Variants in IL1RN observed in about 807,000 individuals in gnomAD.
IL1RN encodes the protein interleukin-1 receptor antagonist protein.
In IL1RN, 10 loss-of-function variants were observed where a neutral mutation model predicts 13.7. That is an observed-to-expected ratio of 0.73 (90% CI 0.45 to 1.24). The LOEUF (loss-of-function observed/expected upper bound fraction) is 1.24. IL1RN is among the 50% of genes most tolerant of loss of function. The pLI is 0.00. For synonymous variants in IL1RN, 102 were observed against 82.7 expected, an observed-to-expected ratio of 1.23 and a Z score of -1.27; for missense variants, 213 against 222.1, an observed-to-expected ratio of 0.96 and a Z score of 0.26.
chr2:113,112,349 T>C (rs933140853), intron 1 of IL1RN, among the ~76,000 whole-genome samples: 5 of 152,076 alleles, frequency 3.3e-5, no homozygotes, highest in Admixed American at 2.6e-4. Flanking sequence ...CTTCCCTTCC[T>C]CCAAAAAGTA....
At chr2:113,114,325 G>A (rs887875238), upstream of IL1RN, among the ~76,000 whole-genome samples, 1 of 152,146 alleles carries the variant, frequency 6.6e-6, no homozygotes, top group Non-Finnish European at 1.5e-5. Context: ...CTCAGTTTGA[G>A]AGCAGTTACC....
upstream of IL1RN, chr2:113,115,769 T>C (rs1397543522): frequency 6.6e-6 from 1 of 152,188 alleles, no homozygotes; most frequent in African/African-American, 2.4e-5. Context: ...GGAGACAGGC[T>C]TGCAAAGGAG....
chr2:113,119,498 A>G (rs1265486109), intron 1 of IL1RN, among the ~76,000 whole-genome samples: 1 of 152,180 alleles, frequency 6.6e-6, no homozygotes, highest in East Asian at 1.9e-4. Flanking sequence ...TGTCAACCAC[A>G]AGCAGTTATT....
upstream of IL1RN, among the ~76,000 whole-genome samples, chr2:113,123,639 T>G (rs1284888466): frequency 6.6e-6 from 1 of 152,222 alleles, no homozygotes; most frequent in African/African-American, 2.4e-5. Context: ...TGACCTCTAC[T>G]GTGCTTAATA....
chr2:113,123,210 A>G (rs929357295), upstream of IL1RN, among the ~76,000 whole-genome samples: 5 of 152,228 alleles, frequency 3.3e-5, no homozygotes, highest in African/African-American at 1.2e-4. Context: ...GCTGAGAATA[A>G]CTAGAAAAGC....
At chr2:113,108,616 T>G (rs939660320), upstream of IL1RN, among the ~76,000 whole-genome samples, 1 of 152,178 alleles carries the variant, frequency 6.6e-6, no homozygotes, top group Non-Finnish European at 1.5e-5. Context: ...ATTTCTTTTT[T>G]GCCATGTAAC....
chr2:113,109,812 C>T (rs182634180), upstream of IL1RN, among the ~76,000 whole-genome samples: 470 of 151,704 alleles, frequency 3.1e-3, no homozygotes, highest in Non-Finnish European at 4.5e-3. Flanking sequence ...AGAGCCATGG[C>T]TATCAGCTGA....
chr2:113,106,296 A>G (rs1461806769), upstream of IL1RN, among the ~76,000 whole-genome samples: 2 of 152,254 alleles, frequency 1.3e-5, no homozygotes, highest in Non-Finnish European at 2.9e-5. Flanking sequence ...GTGAATAAAG[A>G]TACAAAATAA....
chr2:113,120,277 C>T, intron 2 of IL1RN: 1 of 731,734 alleles, frequency 1.4e-6, no homozygotes, highest in Non-Finnish European at 2.5e-6. Context: ...AATATATCTG[C>T]AATGGTTTAT....
chr2:113,099,723 CTTTTCTTTTTTTTTTT>C, the IL1RN span, among the ~76,000 whole-genome samples: 1 of 72,170 alleles, frequency 1.4e-5, no homozygotes, highest in Non-Finnish European at 2.7e-5. Flanking sequence ...CCTCTTCTTT[CTTTTCTTTTTTTTTTT>C]TTTTTTTTTT....
chr2:113,126,451 C>T (rs992192395), upstream of IL1RN, among the ~76,000 whole-genome samples: 1 of 152,180 alleles, frequency 6.6e-6, no homozygotes, highest in Non-Finnish European at 1.5e-5. Flanking sequence ...AGCTCCCGTC[C>T]AGCTCTAAAA....
chr2:113,123,793 G>A (rs1415983401), upstream of IL1RN, among the ~76,000 whole-genome samples: 3 of 152,176 alleles, frequency 2.0e-5, no homozygotes, highest in Non-Finnish European at 2.9e-5. Context: ...GAACTGTGGA[G>A]AATATACTCA....
chr2:113,126,578 A>G (rs1157533613), upstream of IL1RN, among the ~76,000 whole-genome samples: 1 of 152,194 alleles, frequency 6.6e-6, no homozygotes, highest in Admixed American at 6.5e-5. Flanking sequence ...CTAATGTTCC[A>G]GGCCCCGGGT....
At chr2:113,108,916 G>A (rs990190069), upstream of IL1RN, among the ~76,000 whole-genome samples, 2 of 151,990 alleles carry the variant, frequency 1.3e-5, no homozygotes, top group African/African-American at 2.4e-5. Flanking sequence ...TTTTGGGTAG[G>A]GGGTTAGATA....
chr2:113,126,035 T>C (rs1220397499), upstream of IL1RN, among the ~76,000 whole-genome samples: 2 of 152,196 alleles, frequency 1.3e-5, no homozygotes, highest in Admixed American at 1.3e-4. Context: ...TGACCTCAGG[T>C]GATCCGCCCA....
upstream of IL1RN, among the ~76,000 whole-genome samples, chr2:113,110,391 A>G (rs192480850): frequency 4.6e-5 from 7 of 152,264 alleles, no homozygotes; most frequent in East Asian, 1.9e-4. Flanking sequence ...TAGTTTTGCA[A>G]ATTTCTCTGA....
At position 113,132,532 on chromosome 2, in the gene IL1RN, A is replaced by G. The variant is rs1573311253; in HGVS notation, c.319-124A>G. ...AGGAGCACCTGGGGGCTTTTAGGGT[A>G]TGGCATTTCCCCTGTACTAACTCTG... On this transcript the variant is annotated intron_variant, in intron 3 of 3. Coordinates refer to ENST00000409930, the MANE Select transcript of IL1RN (RefSeq NM_173842.3). 9.7e-6 allele frequency: 8 copies of G among 824,284 alleles called. No homozygotes were observed. The East Asian group carries it at 2.1e-4, about 22-fold the overall frequency. 51.1% of individuals were successfully genotyped at this position (824,284 alleles called of 1,614,324 possible).
At chr2:113,117,272 C>T (rs568521315), upstream of IL1RN, among the ~76,000 whole-genome samples, 4 of 152,328 alleles carry the variant, frequency 2.6e-5, no homozygotes, top group Admixed American at 6.5e-5. Context: ...TTCCCTAAGA[C>T]ATGGCTTCCA....
chr2:113,110,742 C>A (rs1686481365), upstream of IL1RN, among the ~76,000 whole-genome samples: 1 of 152,208 alleles, frequency 6.6e-6, no homozygotes, highest in Non-Finnish European at 1.5e-5. Flanking sequence ...AAAACGCAAC[C>A]TATATAAAGC....
Sources: allele counts gnomAD v4.1 joint callset (sites outside exome capture counted in the v4.1 genomes callset), GRCh38; gene constraint gnomAD v4.1.1; transcripts MANE v1.5; gene names NCBI Gene and HGNC (gene_info 2026-07-23, HGNC 2026-07-21).